TIAM2: variants seen among roughly 807,000 people sequenced by gnomAD.
TIAM2 encodes the protein rho guanine nucleotide exchange factor TIAM2.
Under a neutral mutation model 152.9 loss-of-function variants are expected in TIAM2, and 80 were observed. That is an observed-to-expected ratio of 0.52 (90% confidence interval 0.44 to 0.63). The LOEUF is 0.63. Ranked by LOEUF, TIAM2 falls within the 30% of genes least tolerant of loss-of-function variation. The pLI is 0.00. For missense variants in TIAM2, 1,965 were observed against 2,120.1 expected, an observed-to-expected ratio of 0.93 and a Z score of 1.44; for synonymous variants, 804 against 838.0, an observed-to-expected ratio of 0.96 and a Z score of 0.70.
intron 26 of TIAM2, chr6:155,256,238 A>C: frequency 1.7e-6 from 1 of 605,566 alleles, no homozygotes; most frequent in Admixed American, 3.1e-5. Flanking sequence ...GTCTAGTTCT[A>C]TTTACATAAT....
intron 1 of TIAM2, among the ~76,000 whole-genome samples, chr6:155,078,242 T>C (rs1319744216): frequency 6.6e-6 from 1 of 152,084 alleles, no homozygotes; most frequent in African/African-American, 2.4e-5. Flanking sequence ...AATGGGCTTT[T>C]GTCATGTTGC....
In TIAM2 at chr6:155,129,496, C is replaced by T. The variant is rs1779384617; in HGVS notation, c.273C>T (p.Tyr91=). Residue 91 remains tyrosine, a synonymous_variant, in exon 4 of 27, where the codon TAC becomes TAT. Transcript: ENST00000682666. The surrounding 1 kb of genome is among the most constrained non-coding windows in gnomAD (Gnocchi z 4.8). Reference sequence around the variant, plus strand: ...GCAAGGTCTCCAGAGGTGTTGCCTACTCCACGCACAGGACAAATGCCCCAG... The same window carrying T: ...GCAAGGTCTCCAGAGGTGTTGCCTATTCCACGCACAGGACAAATGCCCCAG... ...PTCKVSRGVA[Y]STHRTNAPGK... is the part of the protein sequence containing the mutation. 2 of 1,614,190 alleles carry T rather than the reference C, an allele frequency of 1.2e-6. No individual in the cohort carries two copies. The highest frequency in any genetic ancestry group is 1.7e-6 in the Non-Finnish European group (2 of 1,180,052).
chr6:155,118,145 C>A (rs1261913970), intron 2 of TIAM2, among the ~76,000 whole-genome samples: 2 of 152,238 alleles, frequency 1.3e-5, no homozygotes, highest in Admixed American at 1.3e-4. Context: ...TGGGCAGGGG[C>A]CTGTCCAAGA....
At chr6:155,105,983 A>ATTTATTTTATTTTAT (rs148796945) in intron 2 of TIAM2, among the ~76,000 whole-genome samples, 11,636 of 140,482 alleles carry the variant, frequency 0.083, 713 homozygotes, top group Admixed American at 0.2. Flanking sequence ...GGGTATTTTT[A>ATTTATTTTATTTTAT]TTTATTTTAT....
At chr6:155,005,402 C>A (rs552478559) in intron 1 of TIAM2, 1 of 153,998 alleles carries the variant, frequency 6.5e-6, no homozygotes, top group Non-Finnish European at 1.4e-5. Context: ...TACAGTGGCA[C>A]GATCTCGGCT....
intron 2 of TIAM2, among the ~76,000 whole-genome samples, chr6:155,102,311 C>T (rs1476975454): frequency 7.2e-5 from 11 of 152,052 alleles, no homozygotes; most frequent in Non-Finnish European, 8.8e-5. Context: ...TTTTTAATGT[C>T]AGTTTTTCTT....
intron 14 of TIAM2, among the ~76,000 whole-genome samples, chr6:155,203,058 A>AAAAAAAAG (rs1781515864): frequency 6.7e-6 from 1 of 149,526 alleles, no homozygotes; most frequent in African/African-American, 2.4e-5. Context: ...CAAAAAAAAA[A>AAAAAAAAG]AAAAAAAAAA....
rs9478617 is a variant in TIAM2 at position 155,170,750 on chromosome 6, A to G, written c.2361+5341A>G. Among the ~76,000 whole-genome samples, 1,195 of 152,358 alleles carry G rather than the reference A, an allele frequency of 7.8e-3. 20 individuals are homozygous for G. The highest frequency in any genetic ancestry group is 0.028 in the African/African-American group (1,150 of 41,578). On this transcript the variant is annotated intron_variant, in intron 9 of 26. Coordinates refer to ENST00000682666, the MANE Select transcript of TIAM2 (RefSeq NM_012454.4). ...AGATGGGCTCAAATCAACAGGTCCC[A>G]TCGATGCTCTAAGGAGTGAGAAGAA... is the stretch of plus-strand genomic sequence containing the variant.
Position 155,250,951 on chromosome 6 carries a change from T to G in TIAM2, c.3990T>G (p.Ser1330=), listed in dbSNP as rs148853767. The G allele has an allele frequency of 1.2e-6, 2 of 1,614,238 alleles. No individual in the cohort carries two copies. The highest frequency in any genetic ancestry group is 1.7e-6 in the Non-Finnish European group (2 of 1,180,030). ...CGATGGGAGAGCTTCTGATGCACTC[T>G]ACGGTTTCCTGGTTGAATCCATTTC... ...ELSMGELLMH[S]TVSWLNPFLS... is the part of the protein sequence containing the mutation. The change falls in exon 22 of 27, where the codon TCT becomes TCG. Residue 1330 remains serine (S), a synonymous_variant. Coordinates refer to ENST00000682666, the MANE Select transcript of TIAM2 (RefSeq NM_012454.4).
At chr6:155,240,458 G>A in intron 15 of TIAM2, 72 bp from the exon 16 acceptor site, 2 of 1,482,134 alleles carry the variant, frequency 1.3e-6, no homozygotes, top group Non-Finnish European at 1.8e-6. Context: ...GAGACACTTG[G>A]TGCCCTTGGG....
chr6:155,249,742 G>A, intron 20 of TIAM2, 109 bp from the exon 21 acceptor site: 3 of 832,808 alleles, frequency 3.6e-6, no homozygotes, highest in South Asian at 3.5e-5. Context: ...CTGCTAGTGG[G>A]TACTGGTCTG....
At chr6:155,200,414 C>T (rs1781449322) in intron 14 of TIAM2, among the ~76,000 whole-genome samples, 1 of 152,102 alleles carries the variant, frequency 6.6e-6, no homozygotes, top group African/African-American at 2.4e-5. Flanking sequence ...ATTCTAATTT[C>T]TCTCCTGTAA....
intron 2 of TIAM2, among the ~76,000 whole-genome samples, chr6:155,103,940 C>A (rs1173002093): frequency 6.7e-6 from 1 of 150,304 alleles, no homozygotes; most frequent in Non-Finnish European, 1.5e-5. Context: ...TTTTATTTTA[C>A]CTATTTTAGT....
intron 15 of TIAM2, among the ~76,000 whole-genome samples, chr6:155,212,716 C>G (rs1000452945): frequency 7.9e-5 from 12 of 152,202 alleles, no homozygotes; most frequent in Admixed American, 3.9e-4. Flanking sequence ...ACCTGGCAGG[C>G]TGTGCTCAAC....
intron 2 of TIAM2, among the ~76,000 whole-genome samples, chr6:155,106,850 G>A (rs941167942): frequency 1.3e-5 from 2 of 152,202 alleles, no homozygotes; most frequent in Non-Finnish European, 2.9e-5. Context: ...AGGCTGTCCC[G>A]GCTAATGGCT....
chr6:155,149,745 A>C (rs1355539249), intron 7 of TIAM2, among the ~76,000 whole-genome samples: 1 of 152,090 alleles, frequency 6.6e-6, no homozygotes, highest in East Asian at 1.9e-4. Context: ...CAACGTGGTG[A>C]AACCCCATCT....
At chr6:155,160,702 A>G (rs1780246604) in intron 7 of TIAM2, among the ~76,000 whole-genome samples, 1 of 152,176 alleles carries the variant, frequency 6.6e-6, no homozygotes, top group Admixed American at 6.5e-5. Flanking sequence ...CAGAGGTTGC[A>G]GTGAGCCAAC....
chr6:155,053,556 C>G (rs1219780419), intron 1 of TIAM2, among the ~76,000 whole-genome samples: 1 of 151,698 alleles, frequency 6.6e-6, no homozygotes, highest in Non-Finnish European at 1.5e-5. Context: ...ACTCAGCCTC[C>G]CTCTCCCAGG....
At chr6:155,247,948 T>C in intron 19 of TIAM2, 52 bp from the exon 20 acceptor site, 1 of 1,556,900 alleles carries the variant, frequency 6.4e-7, no homozygotes, top group Non-Finnish European at 8.7e-7. Context: ...AAATGAAGAA[T>C]TTAATTCACC....
Sources: allele counts gnomAD v4.1 joint callset (sites outside exome capture counted in the v4.1 genomes callset), GRCh38; gene constraint gnomAD v4.1.1; non-coding constraint Gnocchi (gnomAD v3.1); transcripts MANE v1.5; gene names NCBI Gene and HGNC (gene_info 2026-07-23, HGNC 2026-07-21).